The following SPNS3 variants were observed in gnomAD, a reference collection of about 807,000 sequenced individuals.
SPNS3 encodes the protein protein spinster homolog 3.
A neutral mutation model predicts 54.4 loss-of-function variants in SPNS3; 51 were observed. That is an observed-to-expected ratio of 0.94 (90% CI 0.75 to 1.18). The LOEUF (loss-of-function observed/expected upper bound fraction) is 1.18, where lower values mean the gene tolerates loss of function less well. Ranked by LOEUF, SPNS3 falls within the 50% of genes most tolerant of loss-of-function variation. The pLI is 0.00. For synonymous variants in SPNS3, 309 were observed against 294.7 expected (o/e 1.05, Z -0.50); for missense variants, 669 against 677.4 (o/e 0.99, Z 0.14).
chr17:4,455,689 C>T (rs939795636), intron 8 of SPNS3, among the ~76,000 whole-genome samples: 12 of 152,204 alleles, frequency 7.9e-5, no homozygotes, highest in African/African-American at 2.7e-4. Context: ...TCCCCTCCCA[C>T]GACACTGCAG....
chr17:4,450,232 A>T (rs1444205839), intron 7 of SPNS3, among the ~76,000 whole-genome samples: 1 of 146,320 alleles, frequency 6.8e-6, no homozygotes, highest in East Asian at 2.1e-4. Context: ...ACCCACGCCT[A>T]CCTTCTCCTT....
chr17:4,464,447 G>A (rs889005925), intron 8 of SPNS3, among the ~76,000 whole-genome samples: 2 of 152,132 alleles, frequency 1.3e-5, no homozygotes, highest in African/African-American at 4.8e-5. Flanking sequence ...CCTTAGGTGG[G>A]CTTTGTGGTC....
In SPNS3 at chr17:4,449,367, G is replaced by T; in HGVS notation, c.903G>T (p.Glu301Asp). The T allele has an allele frequency of 6.2e-7, 1 of 1,604,740 alleles. No homozygotes were observed. Residue 301 changes from glutamate (E) to aspartate (D), a missense_variant, in exon 7 of 12, where the codon GAG (glutamate) becomes GAT (aspartate). Physicochemically the swap from Glu to Asp is conservative, Grantham distance 45. Coordinates refer to ENST00000355530, the MANE Select transcript of SPNS3 (RefSeq NM_182538.5). ...VHGLQPPCFQ[E>D]PCSNPDSLIF... ...GGCTGCAGCCTCCCTGCTTCCAGGA[G>T]CCGTGCAGCAACCCCGACAGGTGAG...
intron 9 of SPNS3, among the ~76,000 whole-genome samples, chr17:4,485,802 G>A (rs757871361): frequency 2.5e-4 from 38 of 152,226 alleles, no homozygotes; most frequent in Non-Finnish European, 4.3e-4. Flanking sequence ...GTTCCTGAGA[G>A]GACTGAGCCC....
chr17:4,471,412 T>C (rs1363758153), intron 8 of SPNS3, among the ~76,000 whole-genome samples: 1 of 152,222 alleles, frequency 6.6e-6, no homozygotes, highest in African/African-American at 2.4e-5. Context: ...CCCAAAAGGC[T>C]AGAGAGTTTA....
intron 8 of SPNS3, among the ~76,000 whole-genome samples, chr17:4,463,400 A>AC (rs755721073): frequency 1.5e-4 from 19 of 128,862 alleles, no homozygotes; most frequent in African/African-American, 5.6e-4. Flanking sequence ...CTGTCTCAAA[A>AC]AAAAAAAAAA....
At chr17:4,438,843 C>T (rs779312272) in intron 1 of SPNS3, among the ~76,000 whole-genome samples, 29 of 152,324 alleles carry the variant, frequency 1.9e-4, no homozygotes, top group South Asian at 8.3e-4. Flanking sequence ...CCTGTGCATA[C>T]GCGGGCAGGC....
intron 8 of SPNS3, among the ~76,000 whole-genome samples, chr17:4,457,975 G>A (rs893788617): frequency 1.3e-5 from 2 of 152,084 alleles, no homozygotes; most frequent in East Asian, 1.9e-4. Flanking sequence ...GAGCCTCTGC[G>A]GCCAGAACTC....
chr17:4,435,682 C>T (rs1270337281), intron 1 of SPNS3, among the ~76,000 whole-genome samples: 1 of 152,040 alleles, frequency 6.6e-6, no homozygotes, highest in East Asian at 1.9e-4. Context: ...AAACCTCACA[C>T]GTCCTGCCTT....
rs1199781937 is a variant in SPNS3, at chr17:4,439,315, G to C, written c.200-343G>C. 2.0e-5 allele frequency among the ~76,000 whole-genome samples: 3 copies of C among 152,084 alleles called. No individual in the cohort carries two copies. In the East Asian group the frequency reaches 5.8e-4, roughly 29 times the overall value. The stretch of plus-strand genomic sequence containing the variant: ...ATTTTTTGTACTTTTAGTAGAGACG[G>C]GGTTTCACCACGTTGACCATGGCTG... On this transcript the variant is annotated intron_variant, in intron 1 of 11. Coordinates refer to ENST00000355530, the MANE Select transcript of SPNS3 (RefSeq NM_182538.5).
intron 7 of SPNS3, among the ~76,000 whole-genome samples, chr17:4,450,581 T>A (rs1971136436): frequency 6.7e-6 from 1 of 150,246 alleles, no homozygotes; most frequent in Non-Finnish European, 1.5e-5. Context: ...GCCTGGCTAT[T>A]TTTATTTTAT....
chr17:4,436,876 G>T lies in SPNS3; in HGVS notation c.199+2710G>T, dbSNP rs571034913. 8.1e-4 allele frequency among the ~76,000 whole-genome samples: 123 copies of T among 152,332 alleles called. 1 individual carries two copies. Among genetic ancestry groups the T allele is most frequent in the African/African-American group, 2.7e-3 (114 of 41,588 alleles). On this transcript the variant is annotated intron_variant, in intron 1 of 11. Coordinates refer to ENST00000355530, the MANE Select transcript of SPNS3 (RefSeq NM_182538.5). Reference sequence around the variant, plus strand: ...GGCCAAGGGCACGCAAAGGCGAGAAGGGGCAAGAGGTGGATGGGAGCCAGG... The same window carrying T: ...GGCCAAGGGCACGCAAAGGCGAGAATGGGCAAGAGGTGGATGGGAGCCAGG...
At chr17:4,485,882 G>A (rs193180403) in intron 9 of SPNS3, among the ~76,000 whole-genome samples, 5 of 152,338 alleles carry the variant, frequency 3.3e-5, no homozygotes, top group East Asian at 3.9e-4. Flanking sequence ...CGCCCTGCCC[G>A]CTTGTGCTGC....
intron 1 of SPNS3, among the ~76,000 whole-genome samples, chr17:4,435,457 A>T (rs1320346207): frequency 2.3e-4 from 35 of 149,576 alleles, no homozygotes; most frequent in African/African-American, 7.4e-4. Flanking sequence ...AAAAAAATAA[A>T]AAATAAAAAA....
Position 4,486,348 on chromosome 17 carries a change from G to T in SPNS3, c.1278+22G>T, listed in dbSNP as rs151142490. 1.2e-5 allele frequency: 19 copies of T among 1,599,096 alleles called. No homozygotes were observed. The Admixed American group carries it at 2.0e-4, about 16-fold the overall frequency. The stretch of plus-strand genomic sequence containing the variant: ...ACTTGTAAGACGTGTCTGCGTGTGT[G>T]GGGTGGGGAGGGTCTGGGGGCCAGG... On this transcript the variant is annotated intron_variant, in intron 10 of 11. Transcript: ENST00000355530. This position sits in a 1 kb window ranked among gnomAD's most constrained non-coding sequence, Gnocchi z 5.5.
chr17:4,461,067 T>C (rs992705560), intron 8 of SPNS3, among the ~76,000 whole-genome samples: 3 of 152,156 alleles, frequency 2.0e-5, no homozygotes, highest in Admixed American at 6.5e-5. Flanking sequence ...CTTCTTGAGT[T>C]GTTTCAGTAG....
intron 9 of SPNS3, chr17:4,482,131 C>T (rs1972177348): frequency 6.6e-6 from 1 of 152,312 alleles, no homozygotes; most frequent in African/African-American, 2.4e-5. Flanking sequence ...CATGATCCGC[C>T]CCCCTTGGCC....
At chr17:4,468,745 CTT>C (rs1567570027) in intron 8 of SPNS3, among the ~76,000 whole-genome samples, 42 of 142,708 alleles carry the variant, frequency 2.9e-4, no homozygotes, top group African/African-American at 1.2e-3. Context: ...TTCTTTCTTT[CTT>C]TCTTTCTTTC....
Position 4,468,938 on chromosome 17 carries a change from C to T in SPNS3, c.1114-9634C>T, listed in dbSNP as rs967594190. Among the ~76,000 whole-genome samples the T allele has an allele frequency of 4.0e-5, 6 of 151,720 alleles. No individual in the cohort carries two copies. In the East Asian group the frequency reaches 1.2e-3, roughly 29 times the overall value. On this transcript the variant is annotated intron_variant, in intron 8 of 11. Transcript: ENST00000355530. ...CGAGTAGCTGGGATTATGGGGCATG[C>T]CACCAGGCCCAGCTAATTTTGTGTT... is the stretch of plus-strand genomic sequence containing the variant.
Sources: allele counts gnomAD v4.1 joint callset (sites outside exome capture counted in the v4.1 genomes callset), GRCh38; gene constraint gnomAD v4.1.1; non-coding constraint Gnocchi (gnomAD v3.1); transcripts MANE v1.5; gene names NCBI Gene and HGNC (gene_info 2026-07-23, HGNC 2026-07-21).